The following FRYL variants were observed in gnomAD, a reference collection of about 807,000 sequenced individuals.
The protein encoded by FRYL is FRY like transcription coactivator.
FRYL carries 150 observed loss-of-function variants against 351.2 expected under a neutral mutation model. The observed-to-expected ratio is 0.43, with a 90% CI of 0.37 to 0.49. The LOEUF (loss-of-function observed/expected upper bound fraction) is 0.49, where lower values mean the gene tolerates loss of function less well. Ranked by LOEUF, FRYL falls within the 20% of genes least tolerant of loss-of-function variation. The pLI is 0.00. For synonymous variants in FRYL, 1,153 were observed against 1,257.1 expected, an observed-to-expected ratio of 0.92 and a Z score of 1.75; for missense variants, 3,036 against 3,619.3, an observed-to-expected ratio of 0.84 and a Z score of 4.13.
At chr4:48,607,974 A>G (rs889608208) in intron 9 of FRYL, among the ~76,000 whole-genome samples, 22 of 152,224 alleles carry the variant, frequency 1.4e-4, no homozygotes, top group African/African-American at 4.8e-4. Context: ...AAACTGTCAT[A>G]AAGAGAAATA....
intron 9 of FRYL, 137 bp downstream of exon 9, chr4:48,608,850 T>C (rs1747411594): frequency 1.5e-6 from 1 of 651,662 alleles, no homozygotes; most frequent in Admixed American, 3.1e-5. Context: ...AACAGAGCAG[T>C]AAAGTAATAA....
At position 48,572,519 on chromosome 4, in the gene FRYL, C is replaced by T. The variant is rs186232050; in HGVS notation, c.2904+667G>A. On this transcript the variant is annotated intron_variant, in intron 26 of 63. Transcript: ENST00000358350. ...TTTCCCTTGTTTGTCCACTGAGGAA[C>T]GTGCTTCAAAATTCATCTGAAATAT... is the stretch of plus-strand genomic sequence containing the variant. Among the ~76,000 whole-genome samples, 448 of 152,262 alleles carry T rather than the reference C, an allele frequency of 2.9e-3. 9 individuals carry two copies. Among genetic ancestry groups the T allele is most frequent in the Admixed American group, 0.026 (397 of 15,300 alleles).
chr4:48,526,235 T>C (rs918775676), intron 53 of FRYL, among the ~76,000 whole-genome samples: 2 of 152,160 alleles, frequency 1.3e-5, no homozygotes, highest in African/African-American at 4.8e-5. Flanking sequence ...ATACAGATAC[T>C]TGGTATTAAG....
intron 3 of FRYL, among the ~76,000 whole-genome samples, chr4:48,664,809 A>G (rs1270959158): frequency 1.3e-5 from 2 of 152,232 alleles, no homozygotes; most frequent in African/African-American, 4.8e-5. Context: ...ACAATAATTC[A>G]AATATAGCAG....
At chr4:48,618,586 T>TAAAA (rs11293295) in intron 7 of FRYL, 1 of 118,260 alleles carries the variant, frequency 8.5e-6, no homozygotes, top group Non-Finnish European at 1.8e-5. Flanking sequence ...CCATGATCTT[T>TAAAA]AAAAAAAAAA....
intron 60 of FRYL, among the ~76,000 whole-genome samples, chr4:48,504,029 AG>A (rs1479726473): frequency 6.6e-6 from 1 of 152,180 alleles, no homozygotes; most frequent in Non-Finnish European, 1.5e-5. Context: ...TTATGATCGT[AG>A]GAAATAACAC....
chr4:48,510,843 C>T lies in FRYL; in HGVS notation c.8287G>A (p.Ala2763Thr), dbSNP rs1030514688. Reference sequence around the variant, plus strand: ...TGCATGTAAAAACTTACTGTTTCAGCATCCACAAAGACTGTTGGGCATTCT... The same window carrying T: ...TGCATGTAAAAACTTACTGTTTCAGTATCCACAAAGACTGTTGGGCATTCT... ...CSECPTVFVD[A>T]ETLMSCGLLE... The change falls in exon 58 of 64, where the codon GCT becomes ACT. Residue 2763 changes from alanine to threonine, a missense_variant. Around this residue, in one of 7 missense-constraint regions of FRYL, gnomAD observed 1,987 missense variants for 2,311.7 expected, o/e 0.86. Transcript: ENST00000358350. The T allele has an allele frequency of 2.5e-6, 4 of 1,610,688 alleles. No homozygotes were observed. The highest frequency in any genetic ancestry group is 3.4e-6 in the Non-Finnish European group (4 of 1,178,552).
chr4:48,661,606 A>G (rs974023522), intron 3 of FRYL, among the ~76,000 whole-genome samples: 1 of 152,260 alleles, frequency 6.6e-6, no homozygotes, highest in African/African-American at 2.4e-5. Context: ...GCAAAGGATC[A>G]AGCTGATCTG....
intron 47 of FRYL, among the ~76,000 whole-genome samples, chr4:48,539,611 A>C (rs1729678529): frequency 6.6e-6 from 1 of 152,024 alleles, no homozygotes; most frequent in African/African-American, 2.4e-5. Flanking sequence ...AAAGTACACT[A>C]TCTACTTTGC....
intron 3 of FRYL, among the ~76,000 whole-genome samples, chr4:48,680,177 T>C (rs1414163936): frequency 6.6e-6 from 1 of 151,922 alleles, no homozygotes. Flanking sequence ...CATATCAAAC[T>C]TGCAGAGGGT....
intron 4 of FRYL, among the ~76,000 whole-genome samples, chr4:48,633,385 ATTT>A (rs1753634769): frequency 6.6e-6 from 1 of 152,086 alleles, no homozygotes; most frequent in Non-Finnish European, 1.5e-5. Flanking sequence ...TTTGGCTTCA[ATTT>A]ACACCCTCAT....
Position 48,581,720 on chromosome 4 carries a change from G to A in FRYL, c.1987-115C>T, listed in dbSNP as rs980015127. 3.8e-6 allele frequency: 3 copies of A among 788,274 alleles called. No homozygotes were observed. The African/African-American group carries it at 5.3e-5, about 14-fold the overall frequency. The allele number at this position is 788,274 out of a possible 1,614,324, so 48.8% of individuals were successfully genotyped here. A position where few individuals can be genotyped will look rare whatever the true frequency, so the allele number is the denominator to read the frequency against. ...TGATTATGACTACCGGTCTGCCTCA[G>A]CTCAAGCAATGTAAATCGCATGTAT... On this transcript the variant is annotated intron_variant, in intron 20 of 63. Coordinates refer to ENST00000358350, the MANE Select transcript of FRYL (RefSeq NM_015030.2).
chr4:48,509,729 G>A (rs1722081385), intron 59 of FRYL, among the ~76,000 whole-genome samples: 1 of 152,194 alleles, frequency 6.6e-6, no homozygotes, highest in East Asian at 1.9e-4. Flanking sequence ...CTTTGTCAGA[G>A]GTTGTGGATT....
At position 48,515,065 on chromosome 4, in the gene FRYL, A is replaced by G; in HGVS notation, c.7900T>C (p.Cys2634Arg). The change falls in exon 56 of 64, where the codon TGT (cysteine) becomes CGT (arginine). Residue 2634 changes from cysteine (C) to arginine (R), a missense_variant. Cys to Arg is a radical substitution (Grantham distance 180). This residue lies in a region of FRYL where 1,987 missense variants were observed against 2,311.7 expected (regional missense o/e 0.86). Transcript: ENST00000358350. ...GAGAAATCCGCTTCTTCTTCTTCAC[A>G]TCTTTCATCTAGCTCTTTCAGAGCT... ...TLALKELDER[C>R]EEEEADFSGL... The G allele has an allele frequency of 6.2e-7, 1 of 1,613,810 alleles. No individual in the cohort carries two copies. Among genetic ancestry groups the G allele is most frequent in the Non-Finnish European group, 8.5e-7 (1 of 1,179,832 alleles).
At chr4:48,676,457 G>A (rs932679459) in intron 3 of FRYL, among the ~76,000 whole-genome samples, 2 of 152,146 alleles carry the variant, frequency 1.3e-5, no homozygotes, top group Non-Finnish European at 2.9e-5. Flanking sequence ...CTTGAAGTCA[G>A]TGAGACCAAG....
intron 25 of FRYL, among the ~76,000 whole-genome samples, chr4:48,574,240 T>G (rs984553260): frequency 2.0e-5 from 3 of 152,304 alleles, no homozygotes; most frequent in Middle Eastern, 3.4e-3. Flanking sequence ...CGAAAACTGC[T>G]GACCTTTAAA....
chr4:48,629,925 T>C (rs1032521481), intron 4 of FRYL, among the ~76,000 whole-genome samples: 56 of 152,304 alleles, frequency 3.7e-4, no homozygotes, highest in African/African-American at 1.3e-3. Context: ...TTCAGAGGCA[T>C]TGCCTTTCTT....
chr4:48,619,966 G>A (rs1469957383), intron 6 of FRYL, among the ~76,000 whole-genome samples: 1 of 152,202 alleles, frequency 6.6e-6, no homozygotes, highest in African/African-American at 2.4e-5. Context: ...TTTAGAAAAT[G>A]TAGCATTGTT....
chr4:48,752,841 T>C (rs1773387174), intron 1 of FRYL, among the ~76,000 whole-genome samples: 1 of 152,218 alleles, frequency 6.6e-6, no homozygotes, highest in South Asian at 2.1e-4. Flanking sequence ...CCACCTTCTA[T>C]TCCCTTCTTC....
Sources: gnomAD v4.1 joint callset for allele counts (sites outside exome capture counted in the v4.1 genomes callset) on GRCh38, gnomAD v4.1.1 for gene constraint, gnomAD v4.1.1 regional missense constraint, MANE v1.5 for transcripts, NCBI Gene and HGNC (gene_info 2026-07-23, HGNC 2026-07-21) for gene names.